DTNBP1: variants seen among roughly 807,000 people sequenced by gnomAD.
DTNBP1 encodes the protein dysbindin.
DTNBP1 carries 35 observed loss-of-function variants against 42.8 expected under a neutral mutation model. The ratio of observed to expected loss-of-function variants is 0.82; its 90% CI spans 0.63 to 1.09. The LOEUF (loss-of-function observed/expected upper bound fraction) is 1.09, where lower values mean the gene tolerates loss of function less well. Ranked by LOEUF, DTNBP1 falls within the 50% of genes least tolerant of loss-of-function variation. The pLI is 0.00. For missense variants in DTNBP1, 457 were observed against 424.2 expected (o/e 1.08, Z -0.68); for synonymous variants, 171 against 162.2 (o/e 1.05, Z -0.41).
chr6:15,610,921 G>T (rs1758354511), intron 6 of DTNBP1, among the ~76,000 whole-genome samples: 1 of 152,242 alleles, frequency 6.6e-6, no homozygotes, highest in African/African-American at 2.4e-5. Context: ...AGCAAGTGCT[G>T]ATGTAAAAGC....
At chr6:15,543,595 T>G (rs1265325218) in intron 7 of DTNBP1, among the ~76,000 whole-genome samples, 1 of 152,230 alleles carries the variant, frequency 6.6e-6, no homozygotes, top group African/African-American at 2.4e-5. Context: ...GTACAATAAG[T>G]TCTGAGTTCT....
chr6:15,559,097 G>A (rs1774694326), intron 7 of DTNBP1, among the ~76,000 whole-genome samples: 1 of 152,180 alleles, frequency 6.6e-6, no homozygotes, highest in Non-Finnish European at 1.5e-5. Context: ...TGCATTTGGC[G>A]CAGGAACTGC....
chr6:15,662,033 C>T (rs1028140659), intron 1 of DTNBP1, among the ~76,000 whole-genome samples: 1 of 152,226 alleles, frequency 6.6e-6, no homozygotes, highest in Non-Finnish European at 1.5e-5. Context: ...TTGGTGCCCA[C>T]TGGAATCCCC....
chr6:15,565,265 T>C (rs1775017458), intron 7 of DTNBP1, among the ~76,000 whole-genome samples: 1 of 152,210 alleles, frequency 6.6e-6, no homozygotes, highest in Non-Finnish European at 1.5e-5. Flanking sequence ...CTCTGGAAAA[T>C]GGTTTGTCAA....
intron 7 of DTNBP1, among the ~76,000 whole-genome samples, chr6:15,544,162 A>G (rs1773741304): frequency 6.6e-6 from 1 of 152,214 alleles, no homozygotes; most frequent in Admixed American, 6.5e-5. Flanking sequence ...ATGTAAGTGG[A>G]ATCATGTACT....
rs189672337 is a variant in DTNBP1, at chr6:15,532,410, T to C, written c.667+830A>G. 2.2e-4 allele frequency among the ~76,000 whole-genome samples: 33 copies of C among 152,314 alleles called. No individual in the cohort carries two copies. The East Asian group carries it at 6.0e-3, about 28-fold the overall frequency. On this transcript the variant is annotated intron_variant, in intron 8 of 9. Transcript: ENST00000344537. ...GGAAAACTGGTGGAATATATTAGGA[T>C]ACATCATGACAAAAAGATGCAGCCT...
At chr6:15,622,067 T>C (rs986979268) in intron 5 of DTNBP1, among the ~76,000 whole-genome samples, 12 of 152,226 alleles carry the variant, frequency 7.9e-5, no homozygotes, top group African/African-American at 2.9e-4. Context: ...ACCCTGTCTG[T>C]TGAATTCAAT....
In DTNBP1 at chr6:15,615,364, TG is replaced by T. The variant is rs770804674; in HGVS notation, c.390del (p.Asn130LysfsTer15). On this transcript the variant is annotated frameshift_variant, in exon 6 of 10. Transcript: ENST00000344537. LOFTEE classifies it high-confidence loss of function. The part of the protein sequence containing the change: ...HLEASFEEVE[N>X]NLLHLEDLCG... Reference sequence around the variant, plus strand: ...CATAAGTCTTCCAGATGCAGCAGGTTGTTCTCTACCTCCTCAAAACTCGCCT... The same window carrying T: ...CATAAGTCTTCCAGATGCAGCAGGTTTTCTCTACCTCCTCAAAACTCGCCT... The T allele has an allele frequency of 6.2e-7, 1 of 1,614,016 alleles. No homozygotes were observed. Among genetic ancestry groups the T allele is most frequent in the African/African-American group, 1.3e-5 (1 of 74,908 alleles).
At chr6:15,562,235 A>C (rs574056695) in intron 7 of DTNBP1, among the ~76,000 whole-genome samples, 35 of 152,194 alleles carry the variant, frequency 2.3e-4, no homozygotes, top group Non-Finnish European at 5.0e-4. Flanking sequence ...TCTTTCTTGC[A>C]CAAGATCCAA....
chr6:15,576,877 A>G (rs571213533), intron 7 of DTNBP1, among the ~76,000 whole-genome samples: 13 of 152,218 alleles, frequency 8.5e-5, no homozygotes, highest in Non-Finnish European at 1.5e-4. Flanking sequence ...CAACTCTGTT[A>G]CAGAACTCCA....
chr6:15,538,978 T>G (rs1315385273), intron 7 of DTNBP1, among the ~76,000 whole-genome samples: 1 of 152,188 alleles, frequency 6.6e-6, no homozygotes, highest in Non-Finnish European at 1.5e-5. Context: ...GTCCGTTATC[T>G]GCCTTAGTCC....
chr6:15,651,313 C>T lies in DTNBP1; in HGVS notation c.161G>A (p.Arg54Lys). Residue 54 changes from arginine to lysine, a missense_variant and splice_region_variant, in exon 3 of 10, where the codon AGG (arginine) becomes AAG (lysine). Transcript: ENST00000344537. ...CTTCCTCTACAAATGAAACACTTAC[C>T]TGCTAAGTAATTCTAATCCAGCAGA... The part of the protein sequence containing the change: ...KYSAGLELLS[R>K]YEDTWAALHR... The T allele has an allele frequency of 1.2e-6, 2 of 1,610,900 alleles. No homozygotes were observed. Among genetic ancestry groups the T allele is most frequent in the Non-Finnish European group, 1.7e-6 (2 of 1,179,308 alleles).
chr6:15,606,257 TG>T (rs1233052861), intron 6 of DTNBP1, among the ~76,000 whole-genome samples: 1 of 152,252 alleles, frequency 6.6e-6, no homozygotes, highest in Admixed American at 6.5e-5. Context: ...GTCCTGTTTT[TG>T]TAGGGGCAGG....
intron 7 of DTNBP1, among the ~76,000 whole-genome samples, chr6:15,584,155 C>G (rs1554165179): frequency 2.6e-5 from 4 of 152,048 alleles, no homozygotes; most frequent in Non-Finnish European, 5.9e-5. Context: ...CGAATATACA[C>G]TTAACATATA....
chr6:15,610,584 A>T (rs1397586761), intron 6 of DTNBP1, among the ~76,000 whole-genome samples: 1 of 152,246 alleles, frequency 6.6e-6, no homozygotes, highest in Non-Finnish European at 1.5e-5. Flanking sequence ...CCTTTTGCAC[A>T]AAATGGTTAG....
Position 15,627,334 on chromosome 6 carries a change from T to C in DTNBP1, c.355+9A>G, listed in dbSNP as rs544491180. 1.2e-6 allele frequency: 2 copies of C among 1,612,990 alleles called. No individual in the cohort carries two copies. The highest frequency in any genetic ancestry group is 4.5e-5 in the East Asian group (2 of 44,852). ...TAAAAGTAATGTACAATGAAAACAT[T>C]GGACTTACTCAGATTTGCTGTCATG... On this transcript the variant is annotated intron_variant, in intron 5 of 9. Transcript: ENST00000344537.
chr6:15,611,953 G>A (rs1323410500), intron 6 of DTNBP1, among the ~76,000 whole-genome samples: 2 of 152,222 alleles, frequency 1.3e-5, no homozygotes, highest in Non-Finnish European at 1.5e-5. Context: ...TATGTACACT[G>A]AGTTGATAAA....
intron 7 of DTNBP1, among the ~76,000 whole-genome samples, chr6:15,558,155 C>T (rs1316659130): frequency 6.6e-6 from 1 of 151,718 alleles, no homozygotes; most frequent in Non-Finnish European, 1.5e-5. Flanking sequence ...ACCAAATTTC[C>T]TTGTCAATTG....
intron 5 of DTNBP1, among the ~76,000 whole-genome samples, chr6:15,619,376 G>A (rs1032934541): frequency 2.6e-5 from 4 of 152,086 alleles, no homozygotes; most frequent in South Asian, 2.1e-4. Context: ...AAAAATATAC[G>A]TAAATACTTA....
Sources: allele counts gnomAD v4.1 joint callset (sites outside exome capture counted in the v4.1 genomes callset), GRCh38; gene constraint gnomAD v4.1.1; transcripts MANE v1.5; gene names NCBI Gene and HGNC (gene_info 2026-07-23, HGNC 2026-07-21).